Variants in OSBPL1A observed in about 807,000 individuals in gnomAD.
The protein encoded by OSBPL1A is oxysterol binding protein like 1A.
Under a neutral mutation model 137.1 loss-of-function variants are expected in OSBPL1A, and 80 were observed. That is an observed-to-expected ratio of 0.58 (90% CI 0.49 to 0.70). The LOEUF (loss-of-function observed/expected upper bound fraction) is 0.70, where lower values mean the gene tolerates loss of function less well. OSBPL1A is among the 30% of genes least tolerant of loss of function. The probability of loss-of-function intolerance (pLI) is 0.00; values close to 1 mark genes in which losing one functional copy is unlikely to be tolerated. For missense variants in OSBPL1A, 970 were observed against 1,129.4 expected (o/e 0.86, Z 2.02); for synonymous variants, 365 against 389.7 (o/e 0.94, Z 0.75).
chr18:24,333,206 T>C, intron 6 of OSBPL1A, 120 bp from the exon 7 acceptor site: 4 of 1,124,580 alleles, frequency 3.6e-6, no homozygotes, highest in Non-Finnish European at 2.5e-6. Context: ...GCATCCAGGC[T>C]GTTAGTGGTT....
chr18:24,326,402 T>C (rs961190274), intron 7 of OSBPL1A, among the ~76,000 whole-genome samples: 6 of 152,202 alleles, frequency 3.9e-5, no homozygotes, highest in African/African-American at 1.4e-4. Context: ...CTCTGTACCA[T>C]ATGTCCTGCC....
At chr18:24,331,099 CTA>C (rs2091069932) in intron 7 of OSBPL1A, among the ~76,000 whole-genome samples, 1 of 151,974 alleles carries the variant, frequency 6.6e-6, no homozygotes, top group Non-Finnish European at 1.5e-5. Flanking sequence ...GCCTGTGAAA[CTA>C]TTTCTAATGA....
chr18:24,246,479 G>A (rs956363634), intron 15 of OSBPL1A, among the ~76,000 whole-genome samples: 2 of 151,866 alleles, frequency 1.3e-5, no homozygotes, highest in Non-Finnish European at 2.9e-5. Context: ...AGGGGATGGA[G>A]GAGCCAAGAG....
At chr18:24,295,795 G>A (rs1247368820) in intron 14 of OSBPL1A, among the ~76,000 whole-genome samples, 2 of 151,192 alleles carry the variant, frequency 1.3e-5, no homozygotes, top group African/African-American at 2.4e-5. Flanking sequence ...TCAAAGATCA[G>A]TTGGCTGTAT....
chr18:24,162,190 G>GATAA lies in OSBPL1A; in HGVS notation c.*985_*988dup, dbSNP rs1436485080. On this transcript the variant is annotated 3_prime_UTR_variant, in exon 28 of 28. Coordinates refer to ENST00000319481, the MANE Select transcript of OSBPL1A (RefSeq NM_080597.4). ...AGTATCTCAGTCTGGGGTTTGGGTG[G>GATAA]ATAAATACTATAAGATTTAAGATGA... 1 of 152,170 alleles carries GATAA rather than the reference G, an allele frequency of 6.6e-6. No individual in the cohort carries two copies. The highest frequency in any genetic ancestry group is 6.5e-5 in the Admixed American group (1 of 15,278). 9.4% of individuals were successfully genotyped at this position (152,170 alleles called of 1,614,324 possible).
intron 26 of OSBPL1A, among the ~76,000 whole-genome samples, chr18:24,165,630 T>A (rs917957489): frequency 1.2e-4 from 19 of 152,194 alleles, no homozygotes; most frequent in Admixed American, 1.2e-3. Flanking sequence ...GGCTCTATCA[T>A]AAGAGGCTGC....
At chr18:24,313,188 A>T (rs2090656280) in intron 12 of OSBPL1A, among the ~76,000 whole-genome samples, 2 of 151,954 alleles carry the variant, frequency 1.3e-5, no homozygotes, top group Admixed American at 1.3e-4. Flanking sequence ...CATGCCTGTA[A>T]TCCCAACACT....
At chr18:24,348,197 C>T (rs1251629705) in intron 4 of OSBPL1A, among the ~76,000 whole-genome samples, 1 of 152,018 alleles carries the variant, frequency 6.6e-6, no homozygotes, top group Non-Finnish European at 1.5e-5. Context: ...AATGTATATC[C>T]ACTTAAAAGA....
At chr18:24,389,218 T>C (rs1907156860) in intron 1 of OSBPL1A, among the ~76,000 whole-genome samples, 1 of 152,230 alleles carries the variant, frequency 6.6e-6, no homozygotes, top group African/African-American at 2.4e-5. Context: ...TTCCAAGCTC[T>C]GTTTTTAGAT....
chr18:24,341,203 C>A (rs1440757603), intron 5 of OSBPL1A, among the ~76,000 whole-genome samples: 2 of 152,090 alleles, frequency 1.3e-5, no homozygotes, highest in South Asian at 4.1e-4. Context: ...ACAGGGGTTT[C>A]GCCATGTTGC....
chr18:24,274,284 G>A (rs1311737008), intron 15 of OSBPL1A, among the ~76,000 whole-genome samples: 5 of 150,310 alleles, frequency 3.3e-5, no homozygotes, highest in Non-Finnish European at 1.5e-5. Flanking sequence ...TAGGGAGGAA[G>A]AAGGAGGATG....
intron 23 of OSBPL1A, 28 bp from the exon 24 acceptor site, chr18:24,170,481 A>G: frequency 6.2e-7 from 1 of 1,613,516 alleles, no homozygotes; most frequent in Non-Finnish European, 8.5e-7. Flanking sequence ...TGTTTAGTTA[A>G]CAAACCAGTG....
intron 4 of OSBPL1A, among the ~76,000 whole-genome samples, chr18:24,361,996 CA>C (rs200189504): frequency 0.13 from 6,999 of 52,264 alleles, 85 homozygotes; most frequent in African/African-American, 0.15. Flanking sequence ...GACTCCATCT[CA>C]AAAAAAAAAA....
intron 1 of OSBPL1A, among the ~76,000 whole-genome samples, chr18:24,380,952 CAAA>C (rs60495683): frequency 0.35 from 43,056 of 123,056 alleles, 7,332 homozygotes; most frequent in East Asian, 0.76. Context: ...AATTCCATCT[CAAA>C]AAAAAAAAAA....
At position 24,283,767 on chromosome 18, in the gene OSBPL1A, A is replaced by G. The variant is rs561480277; in HGVS notation, c.1175-2819T>C. On this transcript the variant is annotated intron_variant, in intron 14 of 27. Coordinates refer to ENST00000319481, the MANE Select transcript of OSBPL1A (RefSeq NM_080597.4). Reference sequence around the variant, plus strand: ...GATAGAAGCATAACCATTCATAGATATAGTTCTTTTATTAATACCATCATA... The same window carrying G: ...GATAGAAGCATAACCATTCATAGATGTAGTTCTTTTATTAATACCATCATA... Among the ~76,000 whole-genome samples the G allele has an allele frequency of 7.9e-5, 12 of 152,262 alleles. No individual in the cohort carries two copies. The South Asian group carries it at 2.5e-3, about 32-fold the overall frequency.
At chr18:24,308,324 C>A (rs957465494) in intron 13 of OSBPL1A, among the ~76,000 whole-genome samples, 39 of 151,358 alleles carry the variant, frequency 2.6e-4, no homozygotes, top group East Asian at 5.8e-4. Flanking sequence ...CCATGTTGCC[C>A]AGACTGGAGT....
chr18:24,318,675 C>T (rs2090784437), intron 8 of OSBPL1A, 30 bp from the exon 9 acceptor site: 7 of 1,606,268 alleles, frequency 4.4e-6, no homozygotes, highest in Non-Finnish European at 5.9e-6. Flanking sequence ...ATGAAAAATG[C>T]ATCTACATAT....
At chr18:24,243,997 T>C (rs1483157046) in intron 15 of OSBPL1A, among the ~76,000 whole-genome samples, 1 of 152,202 alleles carries the variant, frequency 6.6e-6, no homozygotes, top group Non-Finnish European at 1.5e-5. Flanking sequence ...AACGATGTAA[T>C]TCCAGATCCT....
intron 1 of OSBPL1A, among the ~76,000 whole-genome samples, chr18:24,393,761 T>G (rs1017388700): frequency 2.6e-5 from 4 of 152,224 alleles, no homozygotes; most frequent in Non-Finnish European, 5.9e-5. Flanking sequence ...CATTGCTATG[T>G]ATTTTATAAA....
Sources: gnomAD v4.1 joint callset for allele counts (sites outside exome capture counted in the v4.1 genomes callset) on GRCh38, gnomAD v4.1.1 for gene constraint, MANE v1.5 for transcripts, NCBI Gene and HGNC (gene_info 2026-07-23, HGNC 2026-07-21) for gene names.